The following NRDC variants were observed in gnomAD, a reference collection of about 807,000 sequenced individuals.
NRDC encodes nardilysin convertase.
Under a neutral mutation model 147.1 loss-of-function variants are expected in NRDC, and 54 were observed. That is an observed-to-expected ratio of 0.37 (90% CI 0.29 to 0.46). NRDC has a LOEUF of 0.46. Among genes scored for constraint, NRDC ranks in the 20% least tolerant of loss-of-function variants. The pLI, the probability that NRDC is intolerant of heterozygous loss-of-function variation, is 1.00. For missense variants in NRDC, 1,082 were observed against 1,370.6 expected (o/e 0.79, Z 3.33); for synonymous variants, 440 against 482.1 (o/e 0.91, Z 1.14).
In NRDC at chr1:51,814,551, CT is replaced by C; in HGVS notation, c.1618del (p.Arg540GlufsTer60). On this transcript the variant is annotated frameshift_variant and splice_region_variant, in exon 13 of 31. Transcript: ENST00000352171. LOFTEE classifies it high-confidence loss of function. ...KMLQKLGPEK[R>X]IFEEIRKIED... is the part of the protein sequence containing the mutation. Reference sequence around the variant, plus strand: ...CCTCATTCCAGGAAGTGTTTATTACCTTTTTTCTGGGCCTAGCTTCTGCAGC... The same window carrying C: ...CCTCATTCCAGGAAGTGTTTATTACCTTTTTCTGGGCCTAGCTTCTGCAGC... 6.2e-7 allele frequency: 1 copy of C among 1,613,128 alleles called. No homozygotes were observed. Among genetic ancestry groups the C allele is most frequent in the Non-Finnish European group, 8.5e-7 (1 of 1,179,286 alleles).
At chr1:51,827,009 T>C (rs563227035) in intron 5 of NRDC, among the ~76,000 whole-genome samples, 1 of 152,288 alleles carries the variant, frequency 6.6e-6, no homozygotes, top group South Asian at 2.1e-4. Context: ...CAACAGGTAT[T>C]TAACTGGGTT....
intron 5 of NRDC, 51 bp from the exon 6 acceptor site, chr1:51,825,433 A>G: frequency 7.6e-7 from 1 of 1,308,812 alleles, no homozygotes; most frequent in South Asian, 1.3e-5. Context: ...TATCTCCTTT[A>G]TTATATGGAA....
chr1:51,875,300 G>A (rs1683268482), intron 1 of NRDC, among the ~76,000 whole-genome samples: 1 of 152,158 alleles, frequency 6.6e-6, no homozygotes, highest in South Asian at 2.1e-4. Context: ...CTTCTGAAAG[G>A]GGAGGGTTAT....
chr1:51,794,630 G>A lies in NRDC; in HGVS notation c.2637-20C>T. ...AGTTTGCTGCAAGAGAATCAGTATG[G>A]GTCACTGAGGCACCCAAAAACTATA... is the stretch of plus-strand genomic sequence containing the variant. On this transcript the variant is annotated intron_variant, in intron 23 of 30. Coordinates refer to ENST00000352171, the MANE Select transcript of NRDC (RefSeq NM_001101662.2). 4 of 1,611,922 alleles carry A rather than the reference G, an allele frequency of 2.5e-6. No homozygotes were observed. Among genetic ancestry groups the A allele is most frequent in the Non-Finnish European group, 3.4e-6 (4 of 1,178,306 alleles).
intron 4 of NRDC, among the ~76,000 whole-genome samples, chr1:51,832,026 TTTC>T (rs1253015027): frequency 1.3e-5 from 2 of 152,106 alleles, no homozygotes; most frequent in East Asian, 3.9e-4. Context: ...AAAGAGATAA[TTTC>T]TTTTTATTTT....
In NRDC at chr1:51,840,432, C is replaced by G; in HGVS notation, c.424G>C (p.Asp142His). 6.2e-7 allele frequency: 1 copy of G among 1,608,432 alleles called. No individual in the cohort carries two copies. The highest frequency in any genetic ancestry group is 8.5e-7 in the Non-Finnish European group (1 of 1,175,122). Residue 142 changes from aspartate (D) to histidine (H), a missense_variant, in exon 2 of 31, where the codon GAT (aspartate) becomes CAT (histidine). Physicochemically the swap from Asp to His is moderately conservative, Grantham distance 81. Coordinates refer to ENST00000352171, the MANE Select transcript of NRDC (RefSeq NM_001101662.2). ...NMEGKTGNTTDDEEEEEVEEE... is the reference protein window; with the variant it reads ...NMEGKTGNTTHDEEEEEVEEE... ...TCCACCTCCTCTTCTTCTTCATCAT[C>G]TGTTGTATTTCCTGTTTTACCTTCC...
chr1:51,862,584 G>C (rs542415466), intron 1 of NRDC, among the ~76,000 whole-genome samples: 1 of 151,854 alleles, frequency 6.6e-6, no homozygotes, highest in African/African-American at 2.4e-5. Context: ...ATTAGCCCGA[G>C]GTGGTAACAC....
chr1:51,856,796 T>C (rs559855655), intron 1 of NRDC, among the ~76,000 whole-genome samples: 25 of 152,220 alleles, frequency 1.6e-4, no homozygotes, highest in African/African-American at 5.5e-4. Flanking sequence ...GGGAAGATTA[T>C]AGGGTCTTGT....
At chr1:51,858,972 A>G (rs1557935685) in intron 1 of NRDC, among the ~76,000 whole-genome samples, 4 of 152,130 alleles carry the variant, frequency 2.6e-5, no homozygotes, top group African/African-American at 9.7e-5. Flanking sequence ...CTTAACTGAA[A>G]TTTTTTACTC....
intron 20 of NRDC, among the ~76,000 whole-genome samples, chr1:51,802,879 A>G (rs1679275913): frequency 6.6e-6 from 1 of 152,142 alleles, no homozygotes; most frequent in South Asian, 2.1e-4. Flanking sequence ...CAAGAAACCT[A>G]GATATAAAAT....
At chr1:51,867,548 A>C (rs2124111894) in intron 1 of NRDC, among the ~76,000 whole-genome samples, 1 of 152,320 alleles carries the variant, frequency 6.6e-6, no homozygotes, top group East Asian at 1.9e-4. Context: ...ATAATCCAAA[A>C]TTTAGAAGTC....
At chr1:51,829,290 C>G (rs1680595572) in intron 4 of NRDC, among the ~76,000 whole-genome samples, 2 of 152,220 alleles carry the variant, frequency 1.3e-5, no homozygotes, top group South Asian at 4.1e-4. Flanking sequence ...AAGTGATCCA[C>G]CTGCCTTGGC....
At chr1:51,861,372 C>T (rs1201782852) in intron 1 of NRDC, among the ~76,000 whole-genome samples, 1 of 149,250 alleles carries the variant, frequency 6.7e-6, no homozygotes, top group African/African-American at 2.5e-5. Flanking sequence ...CTCTGTTGCC[C>T]AGGCTGGAGT....
intron 4 of NRDC, among the ~76,000 whole-genome samples, chr1:51,831,502 A>G (rs1680706793): frequency 6.6e-6 from 1 of 152,134 alleles, no homozygotes; most frequent in East Asian, 1.9e-4. Context: ...GTCTCCTCTG[A>G]AGGTATTGCT....
intron 29 of NRDC, 44 bp downstream of exon 29, chr1:51,790,489 A>T: frequency 3.2e-6 from 4 of 1,239,080 alleles, no homozygotes; most frequent in Non-Finnish European, 4.8e-6. Context: ...TAGAATCAGG[A>T]ACCTTGACCA....
chr1:51,807,408 G>C (rs1409053830), intron 17 of NRDC, among the ~76,000 whole-genome samples: 3 of 152,126 alleles, frequency 2.0e-5, no homozygotes, highest in African/African-American at 7.2e-5. Context: ...GCTATATTTA[G>C]GTAAAAGAGC....
chr1:51,818,745 TGAA>T (rs911982624), intron 9 of NRDC, among the ~76,000 whole-genome samples: 2 of 151,454 alleles, frequency 1.3e-5, no homozygotes, highest in Admixed American at 1.3e-4. Flanking sequence ...GGTAACGGGG[TGAA>T]GAAGGAGGGA....
At chr1:51,792,208 T>C in intron 25 of NRDC, 110 bp from the exon 26 acceptor site, 1 of 1,421,554 alleles carries the variant, frequency 7.0e-7, no homozygotes, top group Non-Finnish European at 9.9e-7. Flanking sequence ...CCTTAGTGCC[T>C]TTTTCCTAAT....
At chr1:51,847,796 A>G (rs1207047678) in intron 1 of NRDC, among the ~76,000 whole-genome samples, 1 of 152,122 alleles carries the variant, frequency 6.6e-6, no homozygotes, top group Admixed American at 6.5e-5. Context: ...AGCCTCCGCC[A>G]TCCCAGGAAC....
Sources: allele counts gnomAD v4.1 joint callset (sites outside exome capture counted in the v4.1 genomes callset), GRCh38; gene constraint gnomAD v4.1.1; transcripts MANE v1.5; gene names NCBI Gene and HGNC (gene_info 2026-07-23, HGNC 2026-07-21).